The following FNDC3A variants were observed in gnomAD, a reference collection of about 807,000 sequenced individuals.
FNDC3A encodes fibronectin type III domain containing 3A, also known as fibronectin type-III domain-containing protein 3A.
In FNDC3A, 32 loss-of-function variants were observed where a neutral mutation model predicts 148.9. The ratio of observed to expected loss-of-function variants is 0.21; its 90% confidence interval spans 0.16 to 0.29. The LOEUF (loss-of-function observed/expected upper bound fraction) is 0.29, where lower values mean the gene tolerates loss of function less well. Among genes scored for constraint, FNDC3A ranks in the 10% least tolerant of loss-of-function variants. The pLI, the probability that FNDC3A is intolerant of heterozygous loss-of-function variation, is 1.00. For missense variants in FNDC3A, 1,191 were observed against 1,452.8 expected, an observed-to-expected ratio of 0.82 and a Z score of 2.93; for synonymous variants, 472 against 473.6, an observed-to-expected ratio of 1.00 and a Z score of 0.04.
chr13:49,198,385 G>T lies in FNDC3A; in HGVS notation c.2798G>T (p.Ser933Ile). The T allele has an allele frequency of 6.2e-7, 1 of 1,614,160 alleles. No homozygotes were observed. Among genetic ancestry groups the T allele is most frequent in the Non-Finnish European group, 8.5e-7 (1 of 1,180,032 alleles). The change falls in exon 23 of 26, where the codon AGC becomes ATC. Residue 933 changes from serine to isoleucine, a missense_variant. Around this residue, in one of 3 missense-constraint regions of FNDC3A, gnomAD observed 751 missense variants for 944.0 expected, o/e 0.80. Coordinates refer to ENST00000492622, the MANE Select transcript of FNDC3A (RefSeq NM_001079673.2). ...AGAATACGAATTCAAGCCTTGAATA[G>T]CCTTGGAGCTGGTCCTTTCAGCCAT... ...TYRIRIQALN[S>I]LGAGPFSHMI...
At chr13:48,976,723 G>A (rs1322962001) in intron 1 of FNDC3A, 1 of 152,300 alleles carries the variant, frequency 6.6e-6, no homozygotes, top group African/African-American at 2.4e-5. Context: ...CGCTCATCTT[G>A]GGGTTAAAAC....
intron 2 of FNDC3A, among the ~76,000 whole-genome samples, chr13:49,068,759 T>C (rs1877442925): frequency 6.6e-6 from 1 of 152,184 alleles, no homozygotes; most frequent in African/African-American, 2.4e-5. Flanking sequence ...TGCAGGGACA[T>C]GGATGGAGCT....
intron 2 of FNDC3A, among the ~76,000 whole-genome samples, chr13:49,041,604 A>T (rs1184450972): frequency 6.6e-6 from 1 of 152,192 alleles, no homozygotes; most frequent in Non-Finnish European, 1.5e-5. Context: ...TGAGGTCAGG[A>T]GTTTGAGACC....
intron 1 of FNDC3A, among the ~76,000 whole-genome samples, chr13:49,000,086 G>A (rs1182238224): frequency 6.6e-6 from 1 of 152,098 alleles, no homozygotes; most frequent in Non-Finnish European, 1.5e-5. Context: ...TTCTAAGTTT[G>A]ATTAAGTCCC....
At chr13:48,979,120 A>G (rs1428187854) in intron 1 of FNDC3A, among the ~76,000 whole-genome samples, 2 of 152,042 alleles carry the variant, frequency 1.3e-5, no homozygotes, top group Non-Finnish European at 2.9e-5. Context: ...CTTATCACCC[A>G]TTACCAGTCC....
chr13:49,010,370 T>C (rs1205701180), intron 2 of FNDC3A, among the ~76,000 whole-genome samples: 1 of 152,184 alleles, frequency 6.6e-6, no homozygotes, highest in East Asian at 1.9e-4. Context: ...ATATAAGAAG[T>C]ATGCCTCTGG....
chr13:49,019,148 C>G (rs947797833), intron 2 of FNDC3A, among the ~76,000 whole-genome samples: 3 of 152,264 alleles, frequency 2.0e-5, no homozygotes, highest in African/African-American at 7.2e-5. Flanking sequence ...AGCTTCTGGG[C>G]TGCTTTGTTT....
chr13:49,042,959 G>T (rs1344637746), intron 2 of FNDC3A, among the ~76,000 whole-genome samples: 1 of 151,726 alleles, frequency 6.6e-6, no homozygotes, highest in African/African-American at 2.4e-5. Flanking sequence ...GACATTTTCT[G>T]TTTTTGTTTT....
intron 7 of FNDC3A, among the ~76,000 whole-genome samples, chr13:49,142,356 CACTT>C (rs762127839): frequency 2.2e-4 from 33 of 152,282 alleles, no homozygotes; most frequent in Non-Finnish European, 1.3e-4. Context: ...CGTCGGTAAA[CACTT>C]ACCCATCCAG....
chr13:49,024,126 G>T (rs1365882869), intron 2 of FNDC3A, among the ~76,000 whole-genome samples: 1 of 151,872 alleles, frequency 6.6e-6, no homozygotes, highest in Non-Finnish European at 1.5e-5. Context: ...TGAAAAACTA[G>T]AGGAAATCGA....
chr13:49,097,554 T>A (rs1879611020), intron 3 of FNDC3A, among the ~76,000 whole-genome samples: 1 of 152,024 alleles, frequency 6.6e-6, no homozygotes, highest in South Asian at 2.1e-4. Flanking sequence ...CCAGTTCCCC[T>A]GGGAAGTGCC....
intron 2 of FNDC3A, among the ~76,000 whole-genome samples, chr13:49,051,251 T>C (rs1474886200): frequency 6.6e-6 from 1 of 152,170 alleles, no homozygotes. Context: ...CATTGTGTTA[T>C]TGTTATATAG....
intron 8 of FNDC3A, among the ~76,000 whole-genome samples, chr13:49,165,830 G>A (rs1593693744): frequency 6.6e-6 from 1 of 152,310 alleles, no homozygotes; most frequent in African/African-American, 2.4e-5. Context: ...GGCTGGGCAA[G>A]CCAGTCCCCA....
intron 7 of FNDC3A, among the ~76,000 whole-genome samples, chr13:49,142,597 A>G (rs527312973): frequency 6.6e-6 from 1 of 152,190 alleles, no homozygotes; most frequent in Non-Finnish European, 1.5e-5. Flanking sequence ...GCAACTCTAT[A>G]ATTCACCTGA....
chr13:49,175,423 C>T lies in FNDC3A; in HGVS notation c.1412C>T (p.Ala471Val). Residue 471 changes from alanine (A) to valine (V), a missense_variant, in exon 13 of 26, where the codon GCA becomes GTA. Transcript: ENST00000492622. ...YTSGCAPSMP[A>V]SPVLTKAGIT... ...TCAGGCTGTGCTCCTTCTATGCCAGCAAGTCCTGTATTAACCAAGGCTGGA... is the reference window on the plus strand; with the variant it reads ...TCAGGCTGTGCTCCTTCTATGCCAGTAAGTCCTGTATTAACCAAGGCTGGA... The T allele has an allele frequency of 6.2e-7, 1 of 1,612,602 alleles. No homozygotes were observed. The highest frequency in any genetic ancestry group is 8.5e-7 in the Non-Finnish European group (1 of 1,179,284).
In FNDC3A at chr13:48,978,646, G is replaced by GT. The variant is rs1204180122; in HGVS notation, c.-40+2478dup. ...GATAACTAAGTGATTAGTGTTTCTG[G>GT]TTTTTTTTTGTTTGCTTTTGTTTTT... On this transcript the variant is annotated intron_variant, in intron 1 of 25. Coordinates refer to ENST00000492622, the MANE Select transcript of FNDC3A (RefSeq NM_001079673.2). Among the ~76,000 whole-genome samples, 1,116 of 151,002 alleles carry GT rather than the reference G, an allele frequency of 7.4e-3. 18 individuals are homozygous for GT. The highest frequency in any genetic ancestry group is 0.025 in the African/African-American group (1,032 of 41,222).
intron 2 of FNDC3A, among the ~76,000 whole-genome samples, chr13:49,021,181 C>T (rs1417787973): frequency 6.6e-6 from 1 of 152,168 alleles, no homozygotes; most frequent in Admixed American, 6.5e-5. Flanking sequence ...AATACTACAC[C>T]TTAACTTGAA....
intron 2 of FNDC3A, chr13:49,045,560 G>T: frequency 3.0e-6 from 1 of 333,776 alleles, no homozygotes; most frequent in South Asian, 8.3e-5. Flanking sequence ...TCCTCAGTTT[G>T]AACAAGTAAT....
chr13:49,025,520 A>G (rs559708918), intron 2 of FNDC3A, among the ~76,000 whole-genome samples: 62 of 152,232 alleles, frequency 4.1e-4, no homozygotes, highest in African/African-American at 1.2e-3. Context: ...TTAATAGCCT[A>G]TATACCTATA....
Sources: allele counts gnomAD v4.1 joint callset (sites outside exome capture counted in the v4.1 genomes callset), GRCh38; gene constraint gnomAD v4.1.1; regional missense constraint gnomAD v4.1.1; transcripts MANE v1.5; gene names NCBI Gene and HGNC (gene_info 2026-07-23, HGNC 2026-07-21).